The following ACADL variants were observed in gnomAD, a reference collection of about 807,000 sequenced individuals.
The protein encoded by ACADL is acyl-CoA dehydrogenase long chain.
A neutral mutation model predicts 56.9 loss-of-function variants in ACADL; 60 were observed. That is an observed-to-expected ratio of 1.05 (90% CI 0.86 to 1.31). ACADL has a LOEUF of 1.31. Among genes scored for constraint, ACADL ranks in the 50% most tolerant of loss-of-function variants. The pLI is 0.00. For synonymous variants in ACADL, 158 were observed against 179.7 expected, an observed-to-expected ratio of 0.88 and a Z score of 0.97; for missense variants, 484 against 525.5, an observed-to-expected ratio of 0.92 and a Z score of 0.77.
At position 210,202,867 on chromosome 2, in the gene ACADL, G is replaced by A. The variant is rs908110462; in HGVS notation, c.984+464C>T. Among the ~76,000 whole-genome samples, 4 of 152,056 alleles carry A rather than the reference G, an allele frequency of 2.6e-5. No individual in the cohort carries two copies. In the South Asian group the frequency reaches 8.3e-4, roughly 32 times the overall value. On this transcript the variant is annotated intron_variant, in intron 8 of 10. Transcript: ENST00000233710. ...CCTCATTTCTATCTACTCATCGGGT[G>A]TGTCACCCTCCACCTCCATTAATGG...
At chr2:210,214,002 G>A (rs1408824766) in intron 4 of ACADL, among the ~76,000 whole-genome samples, 3 of 148,052 alleles carry the variant, frequency 2.0e-5, no homozygotes, top group African/African-American at 7.5e-5. Context: ...GAAATATAGC[G>A]AGACCCCATC....
intron 4 of ACADL, among the ~76,000 whole-genome samples, chr2:210,213,368 C>T (rs370212170): frequency 5.3e-5 from 8 of 152,002 alleles, no homozygotes; most frequent in Middle Eastern, 3.4e-3. Flanking sequence ...GGCATGGTGG[C>T]GGGCGCCTGT....
chr2:210,217,819 G>T, intron 3 of ACADL, 146 bp downstream of exon 3: 3 of 1,021,884 alleles, frequency 2.9e-6, no homozygotes, highest in South Asian at 2.9e-5. Context: ...GTGCATGAGC[G>T]GTATAATCTT....
At chr2:210,204,371 C>T (rs1420736224) in intron 7 of ACADL, among the ~76,000 whole-genome samples, 1 of 152,122 alleles carries the variant, frequency 6.6e-6, no homozygotes, top group African/African-American at 2.4e-5. Context: ...ACTTTATAAG[C>T]TTTGATTGGA....
At chr2:210,198,256 A>G (rs961676245) in intron 8 of ACADL, among the ~76,000 whole-genome samples, 7 of 147,188 alleles carry the variant, frequency 4.8e-5, no homozygotes, top group Non-Finnish European at 1.0e-4. Flanking sequence ...TGGAGAGGTT[A>G]TCTAGCCCAG....
At chr2:210,205,595 CAATT>C in intron 6 of ACADL, 33 bp downstream of exon 6, 1 of 1,603,108 alleles carries the variant, frequency 6.2e-7, no homozygotes. Flanking sequence ...ACAGTAAACT[CAATT>C]AGTATCTGAA....
At chr2:210,206,909 T>C (rs1688896536) in intron 5 of ACADL, among the ~76,000 whole-genome samples, 1 of 152,142 alleles carries the variant, frequency 6.6e-6, no homozygotes, top group Non-Finnish European at 1.5e-5. Flanking sequence ...GACCTGGACC[T>C]GAATAAGTAC....
At chr2:210,196,746 A>G (rs72990878) in intron 8 of ACADL, among the ~76,000 whole-genome samples, 4 of 152,322 alleles carry the variant, frequency 2.6e-5, no homozygotes, top group Non-Finnish European at 5.9e-5. Context: ...ATTCAGATAG[A>G]AACAGTTCTG....
intron 4 of ACADL, among the ~76,000 whole-genome samples, chr2:210,213,676 A>AT (rs1689026903): frequency 6.6e-6 from 1 of 152,140 alleles, no homozygotes. Context: ...CTTCAGTATC[A>AT]TTTTCTCAAT....
intron 5 of ACADL, chr2:210,209,992 G>A: frequency 2.0e-6 from 1 of 512,218 alleles, no homozygotes; most frequent in Non-Finnish European, 3.5e-6. Flanking sequence ...ATTAGTGAGG[G>A]GGCATGCAAA....
At position 210,188,989 on chromosome 2, in the gene ACADL, A is replaced by T; in HGVS notation, c.1265T>A (p.Ile422Asn). Residue 422 changes from isoleucine to asparagine, a missense_variant, in exon 11 of 11, where the codon ATT (isoleucine) becomes AAT (asparagine). Coordinates refer to ENST00000233710, the MANE Select transcript of ACADL (RefSeq NM_001608.4). ...GGTNEIMKELIAREIVFDK is the reference protein window; with the variant it reads ...GGTNEIMKELNAREIVFDK ...CTTGTCAAAGACAATCTCTCTTGCA[A>T]TCAGCTCCTTCATTATTTCATTTGT... The T allele has an allele frequency of 6.2e-7, 1 of 1,613,430 alleles. No individual in the cohort carries two copies. Among genetic ancestry groups the T allele is most frequent in the Non-Finnish European group, 8.5e-7 (1 of 1,179,510 alleles).
chr2:210,203,398 A>G lies in ACADL; in HGVS notation c.917T>C (p.Met306Thr). ...AACATAGTTCCTGGTTTCTTCAAAC[A>G]TGAATTCACTAGCTGAAATTGCCAC... ...ADVAISASEF[M>T]FEETRNYVKQ... is the part of the protein sequence containing the mutation. Residue 306 changes from methionine to threonine, a missense_variant, in exon 8 of 11, where the codon ATG (methionine) becomes ACG (threonine). By Grantham distance (81) the Met-to-Thr change is moderately conservative. Coordinates refer to ENST00000233710, the MANE Select transcript of ACADL (RefSeq NM_001608.4). 6.2e-7 allele frequency: 1 copy of G among 1,607,536 alleles called. No homozygotes were observed. The highest frequency in any genetic ancestry group is 8.5e-7 in the Non-Finnish European group (1 of 1,174,908).
chr2:210,194,110 TGAG>T (rs770533544), intron 9 of ACADL, among the ~76,000 whole-genome samples: 2 of 152,160 alleles, frequency 1.3e-5, no homozygotes, highest in Non-Finnish European at 2.9e-5. Flanking sequence ...TGTATAAACC[TGAG>T]GTTTTCAAAT....
At chr2:210,215,419 C>G (rs188630952) in intron 4 of ACADL, among the ~76,000 whole-genome samples, 4 of 152,190 alleles carry the variant, frequency 2.6e-5, no homozygotes, top group African/African-American at 9.6e-5. Flanking sequence ...TTTCCTACAG[C>G]CTTTCCAACT....
In ACADL at chr2:210,220,648, C is replaced by T. The variant is rs758248964; in HGVS notation, c.232G>A (p.Glu78Lys). ...ATTAGAGGAAAATGTGCCACTTACTCTGAGTGATGAGGAATCACTTCTTCT... is the reference window on the plus strand; with the variant it reads ...ATTAGAGGAAAATGTGCCACTTACTTTGAGTGATGAGGAATCACTTCTTCT... The part of the protein sequence containing the change: ...FQEEVIPHHS[E>K]WEKAGEVSRE... The change falls in exon 2 of 11, where the codon GAA becomes AAA. Residue 78 changes from glutamate to lysine, a missense_variant and splice_region_variant. Transcript: ENST00000233710. The T allele has an allele frequency of 6.2e-7, 1 of 1,612,738 alleles. No homozygotes were observed. The highest frequency in any genetic ancestry group is 1.3e-5 in the African/African-American group (1 of 74,868).
Position 210,204,672 on chromosome 2 carries a change from T to C in ACADL, c.779A>G (p.Glu260Gly), listed in dbSNP as rs1393477374. The stretch of plus-strand genomic sequence containing the variant: ...CAACCGTATATCTTCAAAGAATAGT[T>C]CTGCGGTATCCTAAGAGACCATACA... ...KMGLKAQDTA[E>G]LFFEDIRLPA... Residue 260 changes from glutamate to glycine, a missense_variant, in exon 7 of 11, where the codon GAA (glutamate) becomes GGA (glycine). By Grantham distance (98) the Glu-to-Gly change is moderately conservative (BLOSUM62 -2). Transcript: ENST00000233710. 6.2e-7 allele frequency: 1 copy of C among 1,608,648 alleles called. No homozygotes were observed. The highest frequency in any genetic ancestry group is 1.3e-5 in the African/African-American group (1 of 74,910).
chr2:210,214,781 A>C (rs1412894643), intron 4 of ACADL, among the ~76,000 whole-genome samples: 1 of 152,230 alleles, frequency 6.6e-6, no homozygotes, highest in African/African-American at 2.4e-5. Flanking sequence ...TCAGTCAGGT[A>C]GTTATCTTAG....
chr2:210,207,432 G>T (rs1428502627), intron 5 of ACADL, among the ~76,000 whole-genome samples: 1 of 151,786 alleles, frequency 6.6e-6, no homozygotes, highest in Non-Finnish European at 1.5e-5. Flanking sequence ...TAAACTACTT[G>T]CTGTCCATCA....
chr2:210,216,154 T>C (rs370917053), intron 4 of ACADL, among the ~76,000 whole-genome samples, 193 bp downstream of exon 4: 2 of 152,346 alleles, frequency 1.3e-5, no homozygotes, highest in African/African-American at 4.8e-5. Flanking sequence ...TGCATAAAAC[T>C]ATGTTAATAT....
Sources: allele counts gnomAD v4.1 joint callset (sites outside exome capture counted in the v4.1 genomes callset), GRCh38; gene constraint gnomAD v4.1.1; transcripts MANE v1.5; gene names NCBI Gene and HGNC (gene_info 2026-07-23, HGNC 2026-07-21).